Variants in SORCS1 observed in about 807,000 individuals in gnomAD.
The protein encoded by SORCS1 is VPS10 domain-containing receptor SorCS1.
In SORCS1, 60 loss-of-function variants were observed where a neutral mutation model predicts 146.1. That is an observed-to-expected ratio of 0.41 (90% CI 0.33 to 0.51). The LOEUF is 0.51. Among genes scored for constraint, SORCS1 ranks in the 20% least tolerant of loss-of-function variants. The probability of loss-of-function intolerance (pLI) is 0.21; values close to 1 mark genes in which losing one functional copy is unlikely to be tolerated. For missense variants in SORCS1, 1,352 were observed against 1,487.6 expected, an observed-to-expected ratio of 0.91 and a Z score of 1.50; for synonymous variants, 637 against 584.0, an observed-to-expected ratio of 1.09 and a Z score of -1.31.
intron 1 of SORCS1, among the ~76,000 whole-genome samples, chr10:107,045,781 C>CTTT (rs1313801610): frequency 8.5e-5 from 11 of 130,134 alleles, no homozygotes; most frequent in Non-Finnish European, 1.5e-4. Context: ...TATATATCTT[C>CTTT]TTTTTTTTTT....
chr10:106,692,459 C>A (rs1259784453), intron 9 of SORCS1, among the ~76,000 whole-genome samples: 1 of 151,996 alleles, frequency 6.6e-6, no homozygotes, highest in Non-Finnish European at 1.5e-5. Context: ...GGAGAAGATG[C>A]GAGGAGGAGA....
At chr10:106,636,896 C>T (rs1032119597) in intron 18 of SORCS1, among the ~76,000 whole-genome samples, 41 of 152,150 alleles carry the variant, frequency 2.7e-4, no homozygotes, top group African/African-American at 9.9e-4. Context: ...GTGCTCATTC[C>T]CAGATGGGTG....
intron 1 of SORCS1, among the ~76,000 whole-genome samples, chr10:107,067,312 T>C (rs75477726): frequency 0.025 from 3,437 of 137,186 alleles, 150 homozygotes; most frequent in African/African-American, 0.089. Flanking sequence ...TTTTTTTTTT[T>C]CCAACAGGTT....
chr10:106,743,992 C>T (rs1037295985), intron 5 of SORCS1, among the ~76,000 whole-genome samples: 17 of 152,078 alleles, frequency 1.1e-4, no homozygotes, highest in African/African-American at 3.1e-4. Context: ...GCGTAACACA[C>T]GATGTAATAT....
chr10:106,888,728 A>T (rs1298391568), intron 2 of SORCS1, among the ~76,000 whole-genome samples: 1 of 152,240 alleles, frequency 6.6e-6, no homozygotes, highest in Non-Finnish European at 1.5e-5. Context: ...ATGTCAAAAG[A>T]TAAATATAAC....
chr10:106,798,709 C>G (rs1946716639), intron 3 of SORCS1, among the ~76,000 whole-genome samples: 1 of 152,108 alleles, frequency 6.6e-6, no homozygotes, highest in Non-Finnish European at 1.5e-5. Flanking sequence ...TGGGTTGGTT[C>G]CAAGTCTTTG....
chr10:106,667,749 A>C lies in SORCS1; in HGVS notation c.2243T>G (p.Phe748Cys), dbSNP rs1369100615. 6.2e-7 allele frequency: 1 copy of C among 1,614,134 alleles called. No homozygotes were observed. The change falls in exon 17 of 26, where the codon TTC becomes TGC. Residue 748 changes from phenylalanine (F) to cysteine (C), a missense_variant. Physicochemically the swap from Phe to Cys is radical, Grantham distance 205. Coordinates refer to ENST00000263054, the MANE Select transcript of SORCS1 (RefSeq NM_052918.5). ...SNGQCLPAFWFNPSSLSKDCS... is the reference protein window; with the variant it reads ...SNGQCLPAFWCNPSSLSKDCS... Reference sequence around the variant, plus strand: ...ATCCTTTGACAGAGAGGATGGATTGAACCAAAATGCCGGCAGGCACTGGCC... The same window carrying C: ...ATCCTTTGACAGAGAGGATGGATTGCACCAAAATGCCGGCAGGCACTGGCC...
intron 2 of SORCS1, among the ~76,000 whole-genome samples, chr10:106,938,353 T>C (rs1953860466): frequency 2.0e-5 from 3 of 152,190 alleles, no homozygotes. Flanking sequence ...AAAAATGGCC[T>C]GAAGATATTT....
chr10:106,958,176 T>C (rs1464555322), intron 1 of SORCS1, among the ~76,000 whole-genome samples: 2 of 152,220 alleles, frequency 1.3e-5, no homozygotes, highest in African/African-American at 4.8e-5. Context: ...TTTCTCCACC[T>C]TTTACTTGCT....
At chr10:107,000,521 C>A (rs1012246491) in intron 1 of SORCS1, among the ~76,000 whole-genome samples, 14 of 151,524 alleles carry the variant, frequency 9.2e-5, no homozygotes, top group African/African-American at 2.9e-4. Context: ...GCAGGGGAAT[C>A]GCTTGAACCT....
intron 5 of SORCS1, among the ~76,000 whole-genome samples, chr10:106,736,714 T>C (rs1856975024): frequency 6.7e-6 from 1 of 148,326 alleles, no homozygotes; most frequent in Non-Finnish European, 1.5e-5. Flanking sequence ...ATGGGCCAGA[T>C]AATCTACAAA....
At chr10:106,777,170 C>G (rs1033114237) in intron 3 of SORCS1, among the ~76,000 whole-genome samples, 1 of 152,166 alleles carries the variant, frequency 6.6e-6, no homozygotes, top group African/African-American at 2.4e-5. Flanking sequence ...ATTTCCTACG[C>G]CATCCAAACT....
chr10:107,012,427 C>T (rs1013220915), intron 1 of SORCS1, among the ~76,000 whole-genome samples: 1 of 152,200 alleles, frequency 6.6e-6, no homozygotes, highest in Non-Finnish European at 1.5e-5. Context: ...GGACATGATA[C>T]ATAAGTGTTT....
At chr10:107,051,259 T>A (rs996308969) in intron 1 of SORCS1, among the ~76,000 whole-genome samples, 1 of 151,936 alleles carries the variant, frequency 6.6e-6, no homozygotes, top group Non-Finnish European at 1.5e-5. Context: ...GGATAGAGAG[T>A]GCCTAAAGTT....
At chr10:106,898,219 T>C (rs140663187) in intron 2 of SORCS1, among the ~76,000 whole-genome samples, 19 of 152,350 alleles carry the variant, frequency 1.2e-4, no homozygotes, top group African/African-American at 4.6e-4. Flanking sequence ...TCCAGTCTTG[T>C]CATTTTGCTC....
intron 1 of SORCS1, among the ~76,000 whole-genome samples, chr10:107,143,215 CTA>C (rs1457807524): frequency 6.6e-6 from 1 of 152,170 alleles, no homozygotes; most frequent in African/African-American, 2.4e-5. Flanking sequence ...TCCCTTTTTT[CTA>C]TGTTTCACCC....
intron 1 of SORCS1, among the ~76,000 whole-genome samples, chr10:107,008,348 T>C (rs1049176150): frequency 6.6e-6 from 1 of 152,218 alleles, no homozygotes; most frequent in Non-Finnish European, 1.5e-5. Context: ...GTCATTTTTA[T>C]ATAAAACACA....
At chr10:106,939,000 G>A (rs2418830) in intron 2 of SORCS1, among the ~76,000 whole-genome samples, 2,068 of 152,288 alleles carry the variant, frequency 0.014, 22 homozygotes, top group Non-Finnish European at 0.022. Context: ...AAGGGAAAAC[G>A]TCCCATGTAA....
At chr10:107,084,166 G>A (rs1963578287) in intron 1 of SORCS1, among the ~76,000 whole-genome samples, 1 of 147,936 alleles carries the variant, frequency 6.8e-6, no homozygotes, top group Non-Finnish European at 1.5e-5. Flanking sequence ...TGAGATCTCG[G>A]CTCACTGCAA....
Sources: gnomAD v4.1 joint callset for allele counts (sites outside exome capture counted in the v4.1 genomes callset) on GRCh38, gnomAD v4.1.1 for gene constraint, MANE v1.5 for transcripts, NCBI Gene and HGNC (gene_info 2026-07-23, HGNC 2026-07-21) for gene names.